The following PRR5 variants were observed in gnomAD, a reference collection of about 807,000 sequenced individuals.
PRR5 encodes the protein proline-rich protein 5.
Under a neutral mutation model 30.6 loss-of-function variants are expected in PRR5, and 25 were observed. The ratio of observed to expected loss-of-function variants is 0.82; its 90% CI spans 0.60 to 1.14. PRR5 has a LOEUF of 1.14. Among genes scored for constraint, PRR5 ranks in the 50% most tolerant of loss-of-function variants. The pLI is 0.00. For synonymous variants in PRR5, 286 were observed against 247.1 expected, an observed-to-expected ratio of 1.16 and a Z score of -1.48; for missense variants, 600 against 547.1, an observed-to-expected ratio of 1.10 and a Z score of -0.96.
chr22:44,676,407 A>G (rs1350359886), upstream of PRR5, among the ~76,000 whole-genome samples: 5 of 149,600 alleles, frequency 3.3e-5, no homozygotes, highest in Non-Finnish European at 5.9e-5. Flanking sequence ...AAAAAAAAAA[A>G]AAAAAAAAGA....
intron 1 of PRR5, among the ~76,000 whole-genome samples, chr22:44,672,027 C>T (rs1461283444): frequency 6.6e-6 from 1 of 152,224 alleles, no homozygotes; most frequent in Admixed American, 6.5e-5. Context: ...CTTGTAGTGT[C>T]GTGATCCTGT....
At chr22:44,735,204 A>G in intron 7 of PRR5, 42 bp downstream of exon 7, 1 of 1,580,414 alleles carries the variant, frequency 6.3e-7, no homozygotes, top group Non-Finnish European at 8.6e-7. Flanking sequence ...AGGGGTGACC[A>G]CGGGCCCCAT....
At chr22:44,671,688 A>G (rs752594454) in intron 1 of PRR5, among the ~76,000 whole-genome samples, 2 of 152,188 alleles carry the variant, frequency 1.3e-5, no homozygotes, top group Non-Finnish European at 2.9e-5. Context: ...TGCAGATTGG[A>G]ATAAACAGCT....
chr22:44,692,111 A>G (rs192481698), intron 1 of PRR5, among the ~76,000 whole-genome samples: 15 of 151,876 alleles, frequency 9.9e-5, no homozygotes, highest in African/African-American at 3.4e-4. Flanking sequence ...GCACTGCCTA[A>G]GCCCTCAGAT....
At chr22:44,729,636 C>A in intron 4 of PRR5, 1 of 985,470 alleles carries the variant, frequency 1.0e-6, no homozygotes, top group Non-Finnish European at 1.2e-6. Flanking sequence ...CCCATACCTG[C>A]CTCCGACTAA....
chr22:44,713,962 C>T (rs1928659901), intron 1 of PRR5, among the ~76,000 whole-genome samples: 1 of 152,218 alleles, frequency 6.6e-6, no homozygotes, highest in African/African-American at 2.4e-5. Context: ...CGCCATCGCG[C>T]CCTGCTGATT....
rs548165331 is a variant in PRR5 at position 44,727,201 on chromosome 22, C to T, written c.322+567C>T. Among the ~76,000 whole-genome samples the T allele has an allele frequency of 2.6e-5, 4 of 152,308 alleles. No individual in the cohort carries two copies. In the East Asian group the frequency reaches 5.8e-4, roughly 22 times the overall value. ...AACCCAGGTCTGCCTGACTTTAGGG[C>T]ACACACCCTTTGCCCTTCTCACGGC... On this transcript the variant is annotated intron_variant, in intron 4 of 7. Transcript: ENST00000336985.
At chr22:44,676,575 C>T (rs1476450437), upstream of PRR5, among the ~76,000 whole-genome samples, 2 of 151,260 alleles carry the variant, frequency 1.3e-5, no homozygotes, top group African/African-American at 2.4e-5. Context: ...ATGGGGGGTT[C>T]GACTGGGCCA....
chr22:44,726,459 C>T lies in PRR5; in HGVS notation c.265-118C>T. 2.8e-6 allele frequency: 4 copies of T among 1,451,794 alleles called. No individual in the cohort carries two copies. The South Asian group carries it at 4.9e-5, about 18-fold the overall frequency. The allele number at this position is 1,451,794 out of a possible 1,614,324, so 89.9% of individuals were successfully genotyped here. A position where few individuals can be genotyped will look rare whatever the true frequency, so the allele number is the denominator to read the frequency against. On this transcript the variant is annotated intron_variant, in intron 3 of 7. Coordinates refer to ENST00000336985, the MANE Select transcript of PRR5 (RefSeq NM_181333.4). ...GGTGGACTGTGGGACCTCAGTGAGT[C>T]TCCTCCCCCTTTAAGCCTTGGCTGC...
At chr22:44,731,283 GTACC>G (rs1297045122) in intron 4 of PRR5, 1 of 272,242 alleles carries the variant, frequency 3.7e-6, no homozygotes, top group African/African-American at 2.2e-5. Flanking sequence ...TGTGCCGAGT[GTACC>G]TACCTGTGCG....
upstream of PRR5, among the ~76,000 whole-genome samples, chr22:44,702,019 C>T (rs1411519249): frequency 6.6e-6 from 1 of 152,086 alleles, no homozygotes; most frequent in Admixed American, 6.5e-5. Flanking sequence ...AGGGTGAGCA[C>T]GTCCTCAGAG....
intron 2 of PRR5, among the ~76,000 whole-genome samples, chr22:44,716,202 T>C (rs540281096): frequency 6.5e-4 from 99 of 152,314 alleles, no homozygotes; most frequent in South Asian, 1.9e-3. Flanking sequence ...AGCCCCAGGA[T>C]TCTACCCAAG....
Position 44,737,277 on chromosome 22 carries a change from G to T in PRR5, c.*30G>T. The T allele has an allele frequency of 6.4e-7, 1 of 1,572,574 alleles. No homozygotes were observed. The highest frequency in any genetic ancestry group is 1.2e-5 in the South Asian group (1 of 85,832). On this transcript the variant is annotated 3_prime_UTR_variant, in exon 8 of 8. Transcript: ENST00000336985. ...TCACAGCTGGCCTTGAGTTTTTACT[G>T]ACACGTCCCTGTGTGCGGGGGTGTC... is the stretch of plus-strand genomic sequence containing the variant.
chr22:44,708,754 G>T (rs113765752), intron 1 of PRR5, among the ~76,000 whole-genome samples: 13 of 152,170 alleles, frequency 8.5e-5, no homozygotes, highest in African/African-American at 2.9e-4. Context: ...ATCATCTGAG[G>T]TCAGGAGTTC....
intron 1 of PRR5, among the ~76,000 whole-genome samples, chr22:44,671,850 C>G (rs1741618273): frequency 6.6e-6 from 1 of 152,216 alleles, no homozygotes; most frequent in Admixed American, 6.5e-5. Context: ...AGGCTGTAGG[C>G]TGCTGTGAGA....
intron 1 of PRR5, among the ~76,000 whole-genome samples, chr22:44,709,603 C>T (rs1055358664): frequency 7.9e-5 from 12 of 152,188 alleles, no homozygotes; most frequent in Admixed American, 7.2e-4. Context: ...CCTGTAATCC[C>T]AGCACTTTGG....
Position 44,737,192 on chromosome 22 carries a change from G to C in PRR5, c.1112G>C (p.Arg371Pro). The C allele has an allele frequency of 1.2e-6, 2 of 1,612,212 alleles. No homozygotes were observed. Among genetic ancestry groups the C allele is most frequent in the Non-Finnish European group, 1.7e-6 (2 of 1,179,572 alleles). ...ATTTTCATTGACTTTGGCCGGGGCC[G>C]GGGCTCTGGCATGTCCGACTTGGAG... ...EGIFIDFGRGRGSGMSDLEGS... is the reference protein window; with the variant it reads ...EGIFIDFGRGPGSGMSDLEGS... Residue 371 changes from arginine to proline, a missense_variant, in exon 8 of 8, where the codon CGG becomes CCG. Physicochemically the swap from Arg to Pro is moderately radical, Grantham distance 103. Transcript: ENST00000336985.
intron 2 of PRR5, among the ~76,000 whole-genome samples, chr22:44,721,269 G>T (rs1199384258): frequency 6.6e-6 from 1 of 152,194 alleles, no homozygotes; most frequent in Admixed American, 6.5e-5. Context: ...CAAGGGCCAG[G>T]TTACAGAATT....
intron 1 of PRR5, among the ~76,000 whole-genome samples, chr22:44,693,775 G>C (rs141630643): frequency 7.1e-6 from 1 of 141,616 alleles, no homozygotes; most frequent in Admixed American, 7.4e-5. Flanking sequence ...GACTACAGGC[G>C]CCTGCCACCA....
Sources: gnomAD v4.1 joint callset for allele counts (sites outside exome capture counted in the v4.1 genomes callset) on GRCh38, gnomAD v4.1.1 for gene constraint, MANE v1.5 for transcripts, NCBI Gene and HGNC (gene_info 2026-07-23, HGNC 2026-07-21) for gene names.